The following RIMS2 variants were observed in gnomAD, a reference collection of about 807,000 sequenced individuals.
RIMS2 encodes regulating synaptic membrane exocytosis protein 2.
A neutral mutation model predicts 174.4 loss-of-function variants in RIMS2; 59 were observed. The ratio of observed to expected loss-of-function variants is 0.34; its 90% CI spans 0.27 to 0.42. The LOEUF is 0.42. Ranked by LOEUF, RIMS2 falls within the 10% of genes least tolerant of loss-of-function variation. The pLI is 1.00. For missense variants in RIMS2, 1,620 were observed against 1,666.3 expected (o/e 0.97, Z 0.48); for synonymous variants, 606 against 572.5 (o/e 1.06, Z -0.84).
At chr8:103,987,325 G>A (rs2094433566) in intron 16 of RIMS2, among the ~76,000 whole-genome samples, 1 of 151,982 alleles carries the variant, frequency 6.6e-6, no homozygotes, top group South Asian at 2.1e-4. Context: ...CTTACTTTAA[G>A]TAAACCTTAC....
At chr8:103,621,959 G>T (rs1381899561) in intron 1 of RIMS2, among the ~76,000 whole-genome samples, 1 of 152,016 alleles carries the variant, frequency 6.6e-6, no homozygotes, top group Non-Finnish European at 1.5e-5. Context: ...AAAATAATTG[G>T]TTCCAAAATG....
At chr8:103,749,103 GCTTT>G (rs1162306155) in intron 2 of RIMS2, among the ~76,000 whole-genome samples, 1 of 128,182 alleles carries the variant, frequency 7.8e-6, no homozygotes, top group Non-Finnish European at 1.7e-5. Context: ...CTGGCCATAT[GCTTT>G]CTATTTTTTT....
At chr8:104,087,901 G>A (rs890056951) in intron 19 of RIMS2, among the ~76,000 whole-genome samples, 5 of 151,974 alleles carry the variant, frequency 3.3e-5, no homozygotes, top group Non-Finnish European at 5.9e-5. Context: ...TTCCTTTTGA[G>A]CTCTGCAGCT....
chr8:104,066,933 C>G (rs2097115061), intron 19 of RIMS2, among the ~76,000 whole-genome samples: 1 of 151,812 alleles, frequency 6.6e-6, no homozygotes, highest in Non-Finnish European at 1.5e-5. Context: ...AACGATTTTC[C>G]TTTAAAATTT....
intron 19 of RIMS2, among the ~76,000 whole-genome samples, chr8:104,092,128 A>G (rs1214193095): frequency 1.3e-5 from 2 of 151,766 alleles, no homozygotes; most frequent in African/African-American, 2.4e-5. Context: ...GTTTTGGGAG[A>G]AAACAATCAA....
intron 19 of RIMS2, among the ~76,000 whole-genome samples, chr8:104,214,282 C>A (rs1319750473): frequency 3.3e-5 from 5 of 152,112 alleles, no homozygotes; most frequent in Non-Finnish European, 5.9e-5. Context: ...GGTAATAGTC[C>A]TCTGTCTTGT....
In RIMS2 at chr8:103,893,700, T is replaced by C. The variant is rs144451918; in HGVS notation, c.1624+7477T>C. The stretch of plus-strand genomic sequence containing the variant: ...TAAATTTTAGTTTATGTAAACTAAA[T>C]TTTATTTAAACACAGCCAACCCAGT... On this transcript the variant is annotated intron_variant, in intron 4 of 23. Coordinates refer to ENST00000504942, the Ensembl canonical transcript of RIMS2. Among the ~76,000 whole-genome samples the C allele has an allele frequency of 4.5e-4, 68 of 152,194 alleles. No individual in the cohort carries two copies. The East Asian group carries it at 0.013, about 29-fold the overall frequency.
At chr8:104,153,683 T>C (rs2098703967) in intron 19 of RIMS2, among the ~76,000 whole-genome samples, 1 of 152,056 alleles carries the variant, frequency 6.6e-6, no homozygotes, top group South Asian at 2.1e-4. Context: ...TTATATATGG[T>C]AACTTGAATC....
intron 19 of RIMS2, among the ~76,000 whole-genome samples, chr8:104,189,958 G>A (rs1196945893): frequency 6.6e-6 from 1 of 151,908 alleles, no homozygotes; most frequent in African/African-American, 2.4e-5. Flanking sequence ...AGGGTCATTG[G>A]CCTCTCCTAA....
At chr8:103,507,202 A>G (rs910481010) in intron 1 of RIMS2, among the ~76,000 whole-genome samples, 4 of 151,982 alleles carry the variant, frequency 2.6e-5, no homozygotes, top group African/African-American at 4.8e-5. Flanking sequence ...CTTAGCTTCA[A>G]ATTTGGATCT....
At chr8:103,905,985 G>T (rs2074324134) in intron 4 of RIMS2, among the ~76,000 whole-genome samples, 1 of 151,672 alleles carries the variant, frequency 6.6e-6, no homozygotes. Context: ...TCTAGAACTG[G>T]AAAGCCCAAT....
At chr8:103,740,193 G>A (rs950753623) in intron 2 of RIMS2, among the ~76,000 whole-genome samples, 2 of 152,146 alleles carry the variant, frequency 1.3e-5, no homozygotes, top group Non-Finnish European at 2.9e-5. Flanking sequence ...AGATTGTGGG[G>A]CAGTGAAGAG....
At chr8:104,112,526 C>T (rs2098207011) in intron 19 of RIMS2, among the ~76,000 whole-genome samples, 2 of 152,164 alleles carry the variant, frequency 1.3e-5, no homozygotes, top group Admixed American at 6.5e-5. Flanking sequence ...ACTTGAGAGA[C>T]TGACAGACCA....
chr8:104,001,170 G>A (rs2095369977), intron 17 of RIMS2, among the ~76,000 whole-genome samples: 1 of 151,750 alleles, frequency 6.6e-6, no homozygotes, highest in Non-Finnish European at 1.5e-5. Flanking sequence ...GTGTTCAATA[G>A]CACAGTCAGG....
chr8:103,757,506 C>T (rs1202906873), intron 2 of RIMS2, among the ~76,000 whole-genome samples: 3 of 152,010 alleles, frequency 2.0e-5, no homozygotes, highest in South Asian at 2.1e-4. Flanking sequence ...ATTTTTAAAA[C>T]GTATGCATTC....
At chr8:103,885,034 C>T (rs2099191350) in intron 3 of RIMS2, among the ~76,000 whole-genome samples, 1 of 151,770 alleles carries the variant, frequency 6.6e-6, no homozygotes, top group South Asian at 2.1e-4. Flanking sequence ...TAGTTTATAG[C>T]AGTGGAATAT....
chr8:103,854,487 T>C lies in RIMS2; in HGVS notation c.699-30811T>C, dbSNP rs1484784178. On this transcript the variant is annotated intron_variant, in intron 3 of 23. Coordinates refer to ENST00000504942, the Ensembl canonical transcript of RIMS2. ...TTTGCCTAATCAGTATGATGCTGGC[T>C]GTGGGTTTGTCATAGATGGCTCTTA... 5.3e-5 allele frequency among the ~76,000 whole-genome samples: 8 copies of C among 152,030 alleles called. No homozygotes were observed. The South Asian group carries it at 1.7e-3, about 31-fold the overall frequency.
At chr8:104,078,916 A>G (rs1041294271) in intron 19 of RIMS2, among the ~76,000 whole-genome samples, 4 of 152,178 alleles carry the variant, frequency 2.6e-5, no homozygotes, top group African/African-American at 7.2e-5. Context: ...CATGAAAACC[A>G]CATTTAAATA....
chr8:103,865,191 C>T (rs1186389801), intron 3 of RIMS2, among the ~76,000 whole-genome samples: 1 of 150,908 alleles, frequency 6.6e-6, no homozygotes, highest in Admixed American at 6.6e-5. Flanking sequence ...TACAAAGTCT[C>T]ATGAATTATT....
Sources: allele counts gnomAD v4.1 joint callset (sites outside exome capture counted in the v4.1 genomes callset), GRCh38; gene constraint gnomAD v4.1.1; transcripts MANE v1.5; gene names NCBI Gene and HGNC (gene_info 2026-07-23, HGNC 2026-07-21).